Variants in NELL1 observed in about 807,000 individuals in gnomAD.
NELL1 encodes neural EGFL like 1.
Under a neutral mutation model 107.4 loss-of-function variants are expected in NELL1, and 76 were observed. The ratio of observed to expected loss-of-function variants is 0.71; its 90% confidence interval spans 0.59 to 0.86. The LOEUF is 0.86. NELL1 is among the 40% of genes least tolerant of loss of function. The probability of loss-of-function intolerance (pLI) is 0.00; values close to 1 mark genes in which losing one functional copy is unlikely to be tolerated. For missense variants in NELL1, 1,024 were observed against 1,005.5 expected (o/e 1.02, Z -0.25); for synonymous variants, 353 against 341.2 (o/e 1.03, Z -0.38).
chr11:20,944,027 T>C (rs1850912698), intron 10 of NELL1, among the ~76,000 whole-genome samples: 1 of 152,140 alleles, frequency 6.6e-6, no homozygotes. Flanking sequence ...GCCTCTTATT[T>C]CTCCCAGGCA....
chr11:21,269,080 A>T (rs1848690252), intron 14 of NELL1, among the ~76,000 whole-genome samples: 1 of 152,102 alleles, frequency 6.6e-6, no homozygotes, highest in African/African-American at 2.4e-5. Flanking sequence ...GCTTGAAGAT[A>T]TATTAATGGA....
chr11:20,815,071 GT>G (rs1201436249), intron 3 of NELL1, among the ~76,000 whole-genome samples: 1 of 151,844 alleles, frequency 6.6e-6, no homozygotes, highest in Non-Finnish European at 1.5e-5. Context: ...TTGTTTGTTT[GT>G]TTTTTTGTTT....
intron 12 of NELL1, among the ~76,000 whole-genome samples, chr11:20,984,377 C>T (rs1418108931): frequency 6.6e-6 from 1 of 152,168 alleles, no homozygotes; most frequent in Non-Finnish European, 1.5e-5. Flanking sequence ...TGCTACCTGA[C>T]TTTGAGTCAG....
At chr11:21,385,899 T>A (rs1229342453) in intron 15 of NELL1, among the ~76,000 whole-genome samples, 1 of 151,796 alleles carries the variant, frequency 6.6e-6, no homozygotes, top group African/African-American at 2.4e-5. Context: ...ACTCTTTGGA[T>A]TTTCTTTCTC....
intron 15 of NELL1, among the ~76,000 whole-genome samples, chr11:21,506,126 A>C (rs1394933197): frequency 6.6e-6 from 1 of 152,244 alleles, no homozygotes; most frequent in Non-Finnish European, 1.5e-5. Flanking sequence ...TCTTAAAATA[A>C]TGATATTGTT....
At chr11:21,071,030 A>T (rs1450181429) in intron 12 of NELL1, among the ~76,000 whole-genome samples, 1 of 152,170 alleles carries the variant, frequency 6.6e-6, no homozygotes, top group Non-Finnish European at 1.5e-5. Context: ...CCTACTTCAT[A>T]TAGTCCAGGT....
At chr11:21,480,866 G>A (rs1854475619) in intron 15 of NELL1, among the ~76,000 whole-genome samples, 1 of 152,130 alleles carries the variant, frequency 6.6e-6, no homozygotes, top group Non-Finnish European at 1.5e-5. Context: ...TGGTCTGAAT[G>A]GTTGGGGAAA....
chr11:21,257,012 G>A (rs1049968418), intron 14 of NELL1, among the ~76,000 whole-genome samples: 5 of 151,968 alleles, frequency 3.3e-5, no homozygotes, highest in African/African-American at 9.7e-5. Context: ...TCACTGCTAC[G>A]TAGCTGCTCC....
chr11:21,101,300 T>C (rs1438803192), intron 12 of NELL1, among the ~76,000 whole-genome samples: 3 of 152,180 alleles, frequency 2.0e-5, no homozygotes, highest in East Asian at 3.9e-4. Flanking sequence ...AATAAACATA[T>C]GTGTGCATGT....
At chr11:21,573,065 G>T in intron 18 of NELL1, 120 bp from the exon 19 acceptor site, 1 of 733,090 alleles carries the variant, frequency 1.4e-6, no homozygotes, top group South Asian at 1.8e-5. Context: ...TATCCTCAAT[G>T]GTGTCAACTA....
intron 4 of NELL1, among the ~76,000 whole-genome samples, chr11:20,863,559 G>C (rs554756122): frequency 1.9e-4 from 29 of 151,492 alleles, no homozygotes; most frequent in African/African-American, 6.5e-4. Flanking sequence ...GGGCAGCCGG[G>C]CAGAGACGCT....
intron 14 of NELL1, among the ~76,000 whole-genome samples, chr11:21,253,544 T>C (rs1858691701): frequency 6.6e-6 from 1 of 152,150 alleles, no homozygotes; most frequent in Non-Finnish European, 1.5e-5. Flanking sequence ...CAGATTCAAA[T>C]GCAGATTCTC....
At chr11:21,527,973 G>A (rs1413752320) in intron 15 of NELL1, among the ~76,000 whole-genome samples, 1 of 152,018 alleles carries the variant, frequency 6.6e-6, no homozygotes, top group Non-Finnish European at 1.5e-5. Context: ...AATCTCCTTT[G>A]GCAACACCCT....
At chr11:20,801,839 C>G (rs1429602100) in intron 3 of NELL1, among the ~76,000 whole-genome samples, 7 of 152,114 alleles carry the variant, frequency 4.6e-5, no homozygotes, top group African/African-American at 1.7e-4. Context: ...AGAGACTGTC[C>G]TTTCTTTCCC....
intron 2 of NELL1, among the ~76,000 whole-genome samples, chr11:20,748,705 C>T (rs60247548): frequency 0.02 from 3,095 of 152,248 alleles, 95 homozygotes; most frequent in African/African-American, 0.07. Context: ...CATTGGCCTC[C>T]GGCTCCATTC....
chr11:20,932,328 AT>A (rs1341580943), intron 9 of NELL1, among the ~76,000 whole-genome samples: 4 of 152,158 alleles, frequency 2.6e-5, no homozygotes, highest in Non-Finnish European at 5.9e-5. Flanking sequence ...GGAGAAAAAA[AT>A]ATTTCTTCTA....
rs71034511 is a variant in NELL1, at chr11:21,364,410, C to CAAAAAAAAAAA, written c.1550-6426_1550-6416dup. Among the ~76,000 whole-genome samples, 70 of 75,616 alleles carry CAAAAAAAAAAA rather than the reference C, an allele frequency of 9.3e-4. 1 individual carries two copies. Among genetic ancestry groups the CAAAAAAAAAAA allele is most frequent in the African/African-American group, 4.9e-3 (65 of 13,152 alleles). The allele number at this position is 75,616 out of a possible 152,430, so 49.6% of individuals were successfully genotyped here. ...TGGGAGACACAGCAAGACTCTGTCT[C>CAAAAAAAAAAA]AAAAAAAAAAAAAAAAAAAAAAAAA... On this transcript the variant is annotated intron_variant, in intron 14 of 19. Transcript: ENST00000357134.
At chr11:20,852,020 G>A (rs993551809) in intron 4 of NELL1, among the ~76,000 whole-genome samples, 4 of 152,216 alleles carry the variant, frequency 2.6e-5, no homozygotes, top group African/African-American at 9.6e-5. Flanking sequence ...CTAAGAGATG[G>A]ATGGCTTTTA....
At chr11:21,526,362 C>T (rs1270187046) in intron 15 of NELL1, among the ~76,000 whole-genome samples, 1 of 152,244 alleles carries the variant, frequency 6.6e-6, no homozygotes, top group Non-Finnish European at 1.5e-5. Flanking sequence ...CCACTAGCTG[C>T]TTTCAAGGGT....
Sources: gnomAD v4.1 joint callset for allele counts (sites outside exome capture counted in the v4.1 genomes callset) on GRCh38, gnomAD v4.1.1 for gene constraint, MANE v1.5 for transcripts, NCBI Gene and HGNC (gene_info 2026-07-23, HGNC 2026-07-21) for gene names.